Variants in TRAF3 observed in about 807,000 individuals in gnomAD.
TRAF3 encodes the protein TNF receptor associated factor 3.
TRAF3 carries 13 observed loss-of-function variants against 62.3 expected under a neutral mutation model. The observed-to-expected ratio is 0.21, with a 90% CI of 0.14 to 0.33. The LOEUF (loss-of-function observed/expected upper bound fraction) is 0.33, where lower values mean the gene tolerates loss of function less well. Ranked by LOEUF, TRAF3 falls within the 10% of genes least tolerant of loss-of-function variation. The probability of loss-of-function intolerance (pLI) is 1.00; values close to 1 mark genes in which losing one functional copy is unlikely to be tolerated. For synonymous variants in TRAF3, 269 were observed against 283.4 expected (o/e 0.95, Z 0.51); for missense variants, 440 against 741.8 (o/e 0.59, Z 4.73).
At chr14:102,808,660 C>T (rs1408203592) in intron 1 of TRAF3, among the ~76,000 whole-genome samples, 1 of 152,026 alleles carries the variant, frequency 6.6e-6, no homozygotes, top group Non-Finnish European at 1.5e-5. Flanking sequence ...GAAGGTGGAC[C>T]CTAGCTATAG....
At chr14:102,825,945 A>AG (rs879268012) in intron 1 of TRAF3, among the ~76,000 whole-genome samples, 1 of 152,226 alleles carries the variant, frequency 6.6e-6, no homozygotes, top group Non-Finnish European at 1.5e-5. Context: ...TGTAGGCCGT[A>AG]GGTGTTCCCT....
chr14:102,795,249 A>T (rs1898009889), intron 1 of TRAF3, among the ~76,000 whole-genome samples: 1 of 152,196 alleles, frequency 6.6e-6, no homozygotes, highest in African/African-American at 2.4e-5. Flanking sequence ...AGCAAACATG[A>T]TGAGGTCACA....
At chr14:102,784,189 C>T (rs58840443) in intron 1 of TRAF3, among the ~76,000 whole-genome samples, 4,624 of 146,906 alleles carry the variant, frequency 0.031, 233 homozygotes, top group African/African-American at 0.11. Flanking sequence ...CTGTTCCCAA[C>T]GTTTGCTCCT....
At chr14:102,801,217 T>C (rs1898392644) in intron 1 of TRAF3, among the ~76,000 whole-genome samples, 1 of 152,126 alleles carries the variant, frequency 6.6e-6, no homozygotes, top group Non-Finnish European at 1.5e-5. Flanking sequence ...CAAGTGATCC[T>C]CCCACCTCGG....
At position 102,893,860 on chromosome 14, in the gene TRAF3, A is replaced by G. The variant is rs74552234; in HGVS notation, c.819+2443A>G. Among the ~76,000 whole-genome samples, 484 of 152,354 alleles carry G rather than the reference A, an allele frequency of 3.2e-3. 3 individuals carry two copies. Among genetic ancestry groups the G allele is most frequent in the African/African-American group, 0.011 (473 of 41,586 alleles). Reference sequence around the variant, plus strand: ...GCACGTTCTCATTGTGCTCACGAGAAGGTGTATGGTGCCCTTTGCTAGGTC... The same window carrying G: ...GCACGTTCTCATTGTGCTCACGAGAGGGTGTATGGTGCCCTTTGCTAGGTC... On this transcript the variant is annotated intron_variant, in intron 9 of 11. Transcript: ENST00000392745.
intron 6 of TRAF3, among the ~76,000 whole-genome samples, chr14:102,878,416 A>T (rs1032698426): frequency 6.9e-6 from 1 of 145,432 alleles, no homozygotes; most frequent in African/African-American, 2.6e-5. Context: ...GGGTGTGTGA[A>T]TGTGGGTGTG....
intron 1 of TRAF3, among the ~76,000 whole-genome samples, chr14:102,783,843 G>A (rs532850090): frequency 1.3e-5 from 2 of 152,234 alleles, no homozygotes; most frequent in South Asian, 4.2e-4. Context: ...AGGCTGCTTG[G>A]CCCCGCTGAA....
chr14:102,904,187 C>T (rs905497969), intron 11 of TRAF3, among the ~76,000 whole-genome samples: 9 of 152,310 alleles, frequency 5.9e-5, no homozygotes, highest in South Asian at 4.1e-4. Context: ...GCAGGTCAAC[C>T]GCCCAGGACA....
chr14:102,779,408 T>C (rs1897180599), intron 1 of TRAF3, among the ~76,000 whole-genome samples: 2 of 151,762 alleles, frequency 1.3e-5, no homozygotes, highest in Admixed American at 1.3e-4. Context: ...TGAGAGGCTG[T>C]AAAGACATTT....
chr14:102,906,623 A>G lies in TRAF3; in HGVS notation c.*839A>G, dbSNP rs932521474. 2 of 152,270 alleles carry G rather than the reference A, an allele frequency of 1.3e-5. No individual in the cohort carries two copies. The highest frequency in any genetic ancestry group is 4.8e-5 in the African/African-American group (2 of 41,476). The allele number at this position is 152,270 out of a possible 1,614,324, so 9.4% of individuals were successfully genotyped here. The stretch of plus-strand genomic sequence containing the variant: ...GGAGCCTCGCTCATGGATGCTGTGC[A>G]TCATTTTCAGATTTATAATTGTTTT... On this transcript the variant is annotated 3_prime_UTR_variant, in exon 12 of 12. Coordinates refer to ENST00000392745, the MANE Select transcript of TRAF3 (RefSeq NM_145725.3).
rs1900090289 is a variant in TRAF3 at position 102,823,223 on chromosome 14, T to C, written c.-156-7111T>C. On this transcript the variant is annotated intron_variant, in intron 1 of 11. Coordinates refer to ENST00000392745, the MANE Select transcript of TRAF3 (RefSeq NM_145725.3). ...ATCATTTAGTTGTTTATTTTATGCA[T>C]AGGCTTATTTTCGTTCTTGTGAGCA... is the stretch of plus-strand genomic sequence containing the variant. 2.0e-5 allele frequency among the ~76,000 whole-genome samples: 3 copies of C among 152,208 alleles called. No homozygotes were observed. The South Asian group carries it at 6.2e-4, about 31-fold the overall frequency.
intron 9 of TRAF3, among the ~76,000 whole-genome samples, chr14:102,894,766 A>G (rs958349216): frequency 1.3e-5 from 2 of 152,054 alleles, no homozygotes; most frequent in African/African-American, 4.8e-5. Flanking sequence ...CAGTGGCGCA[A>G]TTATGGCTCA....
chr14:102,849,721 G>A (rs1213146624), intron 2 of TRAF3, among the ~76,000 whole-genome samples: 1 of 152,162 alleles, frequency 6.6e-6, no homozygotes, highest in East Asian at 1.9e-4. Context: ...CTGACTGTGG[G>A]CCCTCTCCCG....
chr14:102,809,257 A>T (rs1005409666), intron 1 of TRAF3: 1 of 152,282 alleles, frequency 6.6e-6, no homozygotes, highest in African/African-American at 2.4e-5. Context: ...AAGTGCTGGG[A>T]TTACAGGCAT....
chr14:102,777,772 G>A (rs1284197438), intron 1 of TRAF3, 97 bp downstream of exon 1: 1 of 144,542 alleles, frequency 6.9e-6, no homozygotes, highest in Non-Finnish European at 1.5e-5. Context: ...GGGGCCCGGG[G>A]GCCTCGGGGC....
chr14:102,840,685 CTA>C (rs1886324689), intron 2 of TRAF3, among the ~76,000 whole-genome samples: 1 of 152,112 alleles, frequency 6.6e-6, no homozygotes, highest in Non-Finnish European at 1.5e-5. Flanking sequence ...GATTTTATCT[CTA>C]TTACTGAGTT....
At chr14:102,813,194 C>T (rs1393438359) in intron 1 of TRAF3, among the ~76,000 whole-genome samples, 4 of 42,242 alleles carry the variant, frequency 9.5e-5, no homozygotes, top group Admixed American at 2.1e-4. Context: ...AGGCTGGTCT[C>T]GAACTCCTGA....
At position 102,865,687 on chromosome 14, in the gene TRAF3, C is replaced by T. The variant is rs942733089; in HGVS notation, c.-17-4498C>T. Among the ~76,000 whole-genome samples, 9 of 151,944 alleles carry T rather than the reference C, an allele frequency of 5.9e-5. No individual in the cohort carries two copies. The South Asian group carries it at 6.2e-4, about 10-fold the overall frequency. On this transcript the variant is annotated intron_variant, in intron 2 of 11. Coordinates refer to ENST00000392745, the MANE Select transcript of TRAF3 (RefSeq NM_145725.3). ...ACTAATTTTTGTATTTTAGTAGAGA[C>T]GGGGTTTCACCATGTTGGCCAGGGC...
At chr14:102,790,355 G>T (rs1189313234) in intron 1 of TRAF3, among the ~76,000 whole-genome samples, 2 of 152,136 alleles carry the variant, frequency 1.3e-5, no homozygotes, top group Non-Finnish European at 2.9e-5. Flanking sequence ...TGGACTCTCA[G>T]TTCTATTCTG....
Sources: allele counts gnomAD v4.1 joint callset (sites outside exome capture counted in the v4.1 genomes callset), GRCh38; gene constraint gnomAD v4.1.1; transcripts MANE v1.5; gene names NCBI Gene and HGNC (gene_info 2026-07-23, HGNC 2026-07-21).